Variants in SAXO1 observed in about 807,000 individuals in gnomAD.
SAXO1 encodes 4930500O09Rik.
A neutral mutation model predicts 17.5 loss-of-function variants in SAXO1; 21 were observed. The ratio of observed to expected loss-of-function variants is 1.20; its 90% CI spans 0.85 to 1.72. The LOEUF is 1.72. Ranked by LOEUF, SAXO1 falls within the 40% of genes most tolerant of loss-of-function variation. The probability of loss-of-function intolerance (pLI) is 0.00; values close to 1 mark genes in which losing one functional copy is unlikely to be tolerated. For missense variants in SAXO1, 843 were observed against 596.0 expected, an observed-to-expected ratio of 1.41 and a Z score of -4.32; for synonymous variants, 274 against 216.5, an observed-to-expected ratio of 1.27 and a Z score of -2.33.
At chr9:18,991,049 G>A (rs916727267) in intron 1 of SAXO1, among the ~76,000 whole-genome samples, 1 of 152,152 alleles carries the variant, frequency 6.6e-6, no homozygotes, top group South Asian at 2.1e-4. Flanking sequence ...CCTGAGGTCA[G>A]GAGTTCAAGA....
intron 1 of SAXO1, among the ~76,000 whole-genome samples, chr9:18,964,142 GC>G (rs1203986207): frequency 6.6e-6 from 1 of 152,174 alleles, no homozygotes; most frequent in Non-Finnish European, 1.5e-5. Flanking sequence ...TGGTGGATAA[GC>G]TTTTTGATGT....
chr9:19,018,149 C>A (rs921146041), intron 1 of SAXO1, among the ~76,000 whole-genome samples: 5 of 149,748 alleles, frequency 3.3e-5, no homozygotes, highest in Non-Finnish European at 7.4e-5. Flanking sequence ...GCTGGGGCAA[C>A]AGAGCAAGAC....
chr9:19,024,574 C>A (rs1187196556), intron 1 of SAXO1, among the ~76,000 whole-genome samples: 1 of 151,902 alleles, frequency 6.6e-6, no homozygotes, highest in African/African-American at 2.4e-5. Context: ...GCACATGTAC[C>A]CTAAAACTTA....
Position 18,927,840 on chromosome 9 carries a change from G to T in SAXO1, c.*212C>A, listed in dbSNP as rs1830828639. ...TGAAACGGGGTGGGGATGCAGTAAAGGAGAAGGTAAGGGGAGTTAATTAGC... is the reference window on the plus strand; with the variant it reads ...TGAAACGGGGTGGGGATGCAGTAAATGAGAAGGTAAGGGGAGTTAATTAGC... On this transcript the variant is annotated 3_prime_UTR_variant, in exon 4 of 4. Transcript: ENST00000380534. 1 of 517,794 alleles carries T rather than the reference G, an allele frequency of 1.9e-6. No individual in the cohort carries two copies. The highest frequency in any genetic ancestry group is 3.3e-6 in the Non-Finnish European group (1 of 303,626). 32.1% of individuals were successfully genotyped at this position (517,794 alleles called of 1,614,324 possible).
At chr9:19,020,107 C>A (rs1472933024) in intron 1 of SAXO1, among the ~76,000 whole-genome samples, 1 of 151,844 alleles carries the variant, frequency 6.6e-6, no homozygotes, top group Non-Finnish European at 1.5e-5. Flanking sequence ...GGACACTCTA[C>A]CTCCATTGAG....
intron 3 of SAXO1, among the ~76,000 whole-genome samples, chr9:18,929,479 C>A (rs1246143497): frequency 1.3e-5 from 2 of 152,140 alleles, no homozygotes; most frequent in Non-Finnish European, 2.9e-5. Context: ...CACAACCCAC[C>A]ACTGGTGGGC....
intron 1 of SAXO1, among the ~76,000 whole-genome samples, chr9:18,991,516 T>C (rs565720642): frequency 6.6e-6 from 1 of 151,870 alleles, no homozygotes; most frequent in South Asian, 2.1e-4. Context: ...AATTGAACAA[T>C]GAGAACACCT....
In SAXO1 at chr9:18,993,212, C is replaced by G. The variant is rs528762960; in HGVS notation, c.38+39659G>C. Among the ~76,000 whole-genome samples the G allele has an allele frequency of 2.0e-5, 3 of 152,016 alleles. No individual in the cohort carries two copies. In the South Asian group the frequency reaches 6.2e-4, roughly 32 times the overall value. ...TGGTTTGTTGCACCTATCAACACGT[C>G]ATCTAGGTTTTAAGCCCCGCATGCA... On this transcript the variant is annotated intron_variant, in intron 1 of 3. Coordinates refer to ENST00000380534, the MANE Select transcript of SAXO1 (RefSeq NM_153707.4).
chr9:18,998,291 C>A (rs1382808970), intron 1 of SAXO1, among the ~76,000 whole-genome samples: 2 of 152,026 alleles, frequency 1.3e-5, no homozygotes, highest in East Asian at 3.9e-4. Context: ...GATCTGAAAA[C>A]CACAGTAAGA....
At position 18,986,172 on chromosome 9, in the gene SAXO1, T is replaced by A. The variant is rs189299175; in HGVS notation, c.39-35235A>T. ...TAACACAGATTTTAAAAAAAGCAATTCATTTACAGCTACTACTACATATCC... is the reference window on the plus strand; with the variant it reads ...TAACACAGATTTTAAAAAAAGCAATACATTTACAGCTACTACTACATATCC... On this transcript the variant is annotated intron_variant, in intron 1 of 3. Coordinates refer to ENST00000380534, the MANE Select transcript of SAXO1 (RefSeq NM_153707.4). Among the ~76,000 whole-genome samples the A allele has an allele frequency of 2.8e-3, 427 of 152,376 alleles. 2 individuals carry two copies. The highest frequency in any genetic ancestry group is 9.8e-3 in the African/African-American group (406 of 41,592).
At chr9:18,978,024 A>T (rs1833222547) in intron 1 of SAXO1, among the ~76,000 whole-genome samples, 1 of 131,208 alleles carries the variant, frequency 7.6e-6, no homozygotes, top group African/African-American at 2.9e-5. Flanking sequence ...AAAAAAAAAA[A>T]GTCCAAAACG....
intron 3 of SAXO1, among the ~76,000 whole-genome samples, chr9:18,938,840 G>GTA (rs1448541294): frequency 3.4e-5 from 5 of 148,314 alleles, no homozygotes; most frequent in Admixed American, 6.6e-5. Flanking sequence ...GTGTGTGTGT[G>GTA]TGTGTGTGTG....
intron 1 of SAXO1, among the ~76,000 whole-genome samples, chr9:18,989,641 AAAC>A (rs1180097764): frequency 5.9e-5 from 9 of 152,176 alleles, no homozygotes; most frequent in African/African-American, 2.2e-4. Flanking sequence ...AAAAAAAAAT[AAAC>A]AACTCATAAG....
In SAXO1 at chr9:18,982,700, C is replaced by T. The variant is rs116148684; in HGVS notation, c.39-31763G>A. 4.1e-3 allele frequency among the ~76,000 whole-genome samples: 630 copies of T among 152,308 alleles called. 6 individuals are homozygous for T. The highest frequency in any genetic ancestry group is 0.014 in the African/African-American group (600 of 41,580). ...CTTTTTTACCAAAGCATTACATTCA[C>T]CTACATTAATTCACTGGATGTAGAG... On this transcript the variant is annotated intron_variant, in intron 1 of 3. Coordinates refer to ENST00000380534, the MANE Select transcript of SAXO1 (RefSeq NM_153707.4).
At chr9:19,012,034 CG>C (rs1472746130) in intron 1 of SAXO1, among the ~76,000 whole-genome samples, 6 of 151,680 alleles carry the variant, frequency 4.0e-5, no homozygotes, top group Non-Finnish European at 7.4e-5. Context: ...TTAGTAGAGA[CG>C]GGGTTTCACC....
At chr9:18,956,918 C>T (rs1009212937) in intron 1 of SAXO1, among the ~76,000 whole-genome samples, 2 of 152,202 alleles carry the variant, frequency 1.3e-5, no homozygotes, top group East Asian at 1.9e-4. Context: ...AGATGTTATC[C>T]TCCTCAAGGT....
intron 1 of SAXO1, among the ~76,000 whole-genome samples, chr9:19,009,446 T>C (rs1834629152): frequency 6.6e-6 from 1 of 152,118 alleles, no homozygotes; most frequent in South Asian, 2.1e-4. Flanking sequence ...GCCATGATGA[T>C]ATAAACAGCT....
intron 1 of SAXO1, among the ~76,000 whole-genome samples, chr9:19,024,343 C>G (rs1835381356): frequency 6.6e-6 from 1 of 150,514 alleles, no homozygotes. Flanking sequence ...ATCGCAAGGA[C>G]AAAAAACCAA....
At chr9:19,011,849 ATT>A (rs1211848537) in intron 1 of SAXO1, among the ~76,000 whole-genome samples, 5 of 144,762 alleles carry the variant, frequency 3.5e-5, no homozygotes, top group African/African-American at 1.0e-4. Context: ...TTAAGCATAG[ATT>A]TTTTTTTTTT....
Sources: allele counts gnomAD v4.1 joint callset (sites outside exome capture counted in the v4.1 genomes callset), GRCh38; gene constraint gnomAD v4.1.1; transcripts MANE v1.5; gene names NCBI Gene and HGNC (gene_info 2026-07-23, HGNC 2026-07-21).